Variants in FBXW7 observed in about 807,000 individuals in gnomAD.
The protein encoded by FBXW7 is F-box and WD repeat domain containing 7.
In FBXW7, 11 loss-of-function variants were observed where a neutral mutation model predicts 86.3. The observed-to-expected ratio is 0.13, with a 90% confidence interval of 0.08 to 0.21. FBXW7 has a LOEUF of 0.21. Among genes scored for constraint, FBXW7 ranks in the 10% least tolerant of loss-of-function variants. The pLI is 1.00. For synonymous variants in FBXW7, 313 were observed against 297.9 expected (o/e 1.05, Z -0.52); for missense variants, 488 against 847.4 (o/e 0.58, Z 5.27).
chr4:152,456,360 TA>T (rs58250889), intron 2 of FBXW7, among the ~76,000 whole-genome samples: 8,931 of 71,956 alleles, frequency 0.12, 607 homozygotes, highest in East Asian at 0.3. Flanking sequence ...AAAAAATCCT[TA>T]AAAAAAAAAA....
At chr4:152,504,183 C>A (rs1747203949) in intron 2 of FBXW7, among the ~76,000 whole-genome samples, 1 of 152,052 alleles carries the variant, frequency 6.6e-6, no homozygotes, top group Admixed American at 6.5e-5. Flanking sequence ...TATTTATGAC[C>A]AGGCTAACAC....
chr4:152,518,615 T>C (rs566606487), intron 2 of FBXW7, among the ~76,000 whole-genome samples: 2 of 152,324 alleles, frequency 1.3e-5, no homozygotes, highest in South Asian at 2.1e-4. Flanking sequence ...CTATACTTAG[T>C]ATTTGCATGT....
chr4:152,475,091 A>C (rs1467486072), intron 2 of FBXW7, among the ~76,000 whole-genome samples: 1 of 151,076 alleles, frequency 6.6e-6, no homozygotes, highest in Admixed American at 6.6e-5. Flanking sequence ...ACAGAGCAAG[A>C]CTCTGTCTCA....
intron 4 of FBXW7, among the ~76,000 whole-genome samples, chr4:152,373,419 A>T (rs1734181696): frequency 6.6e-6 from 1 of 151,992 alleles, no homozygotes; most frequent in South Asian, 2.1e-4. Flanking sequence ...TCTAAGCTCC[A>T]TGAGGGCATG....
At chr4:152,441,182 G>A (rs1740864993) in intron 2 of FBXW7, among the ~76,000 whole-genome samples, 1 of 152,086 alleles carries the variant, frequency 6.6e-6, no homozygotes, top group South Asian at 2.1e-4. Context: ...CTTTCAGAGA[G>A]CTGTGTACCT....
intron 11 of FBXW7, among the ~76,000 whole-genome samples, chr4:152,327,550 G>A (rs78445621): frequency 0.015 from 2,225 of 152,090 alleles, 28 homozygotes; most frequent in Middle Eastern, 0.037. Context: ...ACTGAGAAGA[G>A]AAAGTCAAAA....
intron 4 of FBXW7, among the ~76,000 whole-genome samples, chr4:152,392,542 G>A (rs542878629): frequency 2.0e-5 from 3 of 152,234 alleles, no homozygotes; most frequent in East Asian, 3.9e-4. Context: ...GCCATGATCT[G>A]ACTGCCACCC....
At chr4:152,519,083 G>C (rs1262619607) in intron 2 of FBXW7, among the ~76,000 whole-genome samples, 1 of 152,190 alleles carries the variant, frequency 6.6e-6, no homozygotes, top group African/African-American at 2.4e-5. Context: ...TGGATCACGA[G>C]GTCAGGAGAT....
intron 4 of FBXW7, among the ~76,000 whole-genome samples, chr4:152,390,308 C>A (rs1735891533): frequency 1.3e-5 from 2 of 151,970 alleles, no homozygotes; most frequent in Non-Finnish European, 2.9e-5. Context: ...AAAAATCCAA[C>A]TATCCCACTG....
chr4:152,530,100 CACGT>C lies in FBXW7; in HGVS notation c.-120+4837_-120+4840del, dbSNP rs1749886270. Among the ~76,000 whole-genome samples the C allele has an allele frequency of 2.7e-5, 4 of 146,630 alleles. No homozygotes were observed. In the East Asian group the frequency reaches 8.1e-4, roughly 30 times the overall value. ...ACACACACACACACACACACACACA[CACGT>C]GTATATATATACGTGTACATATATA... On this transcript the variant is annotated intron_variant, in intron 2 of 13. Transcript: ENST00000281708.
At chr4:152,397,644 C>T (rs978907132) in intron 4 of FBXW7, among the ~76,000 whole-genome samples, 3 of 138,324 alleles carry the variant, frequency 2.2e-5, no homozygotes, top group Admixed American at 1.5e-4. Context: ...ATTGACATTA[C>T]CTATTTAAGT....
At chr4:152,382,081 A>T in intron 4 of FBXW7, 1 of 655,866 alleles carries the variant, frequency 1.5e-6, no homozygotes, top group Non-Finnish European at 2.4e-6. Context: ...ATGCATTGAT[A>T]GTTTTAATTT....
At chr4:152,485,357 G>C in intron 2 of FBXW7, among the ~76,000 whole-genome samples, 1 of 151,976 alleles carries the variant, frequency 6.6e-6, no homozygotes, top group Non-Finnish European at 1.5e-5. Context: ...TGGGCTATAC[G>C]CTATAAATAA....
rs1369924080 is a variant in FBXW7, at chr4:152,352,571, T to G, written c.502-2447A>C. ...CCGTGTGTCCGGCTGCTTGGCAGTC[T>G]CTGACAATATAAACCTTTTTCAGGT... On this transcript the variant is annotated intron_variant, in intron 4 of 13. Transcript: ENST00000281708. The G allele has an allele frequency of 3.7e-6, 6 of 1,613,834 alleles. No homozygotes were observed. In the African/African-American group the frequency reaches 8.0e-5, roughly 22 times the overall value.
At chr4:152,443,531 C>T (rs767962535) in intron 2 of FBXW7, among the ~76,000 whole-genome samples, 35 of 152,258 alleles carry the variant, frequency 2.3e-4, no homozygotes, top group Non-Finnish European at 4.0e-4. Flanking sequence ...TAAAACAGGG[C>T]TTTGTGCTTA....
chr4:152,337,982 A>C, intron 6 of FBXW7, 46 bp from the exon 7 acceptor site: 2 of 1,563,526 alleles, frequency 1.3e-6, no homozygotes, highest in Non-Finnish European at 1.7e-6. Context: ...CAGATGTCCC[A>C]AATTACAGGC....
intron 4 of FBXW7, among the ~76,000 whole-genome samples, chr4:152,367,326 AT>A (rs1277945064): frequency 6.6e-6 from 1 of 152,130 alleles, no homozygotes; most frequent in Non-Finnish European, 1.5e-5. Flanking sequence ...ATATATTCAC[AT>A]ATTTTAATCT....
intron 8 of FBXW7, among the ~76,000 whole-genome samples, chr4:152,331,795 G>A (rs1349743575): frequency 1.3e-5 from 2 of 151,998 alleles, no homozygotes; most frequent in African/African-American, 4.8e-5. Context: ...AGAAGGGAAG[G>A]CACAGATTAA....
At chr4:152,534,728 G>A (rs1352332050) in intron 2 of FBXW7, among the ~76,000 whole-genome samples, 1 of 152,088 alleles carries the variant, frequency 6.6e-6, no homozygotes, top group African/African-American at 2.4e-5. Flanking sequence ...AGACTCCTCC[G>A]ACAGAAACCT....
Sources: allele counts gnomAD v4.1 joint callset (sites outside exome capture counted in the v4.1 genomes callset), GRCh38; gene constraint gnomAD v4.1.1; transcripts MANE v1.5; gene names NCBI Gene and HGNC (gene_info 2026-07-23, HGNC 2026-07-21).